Variants in CLTCL1 observed in about 807,000 individuals in gnomAD.
The protein encoded by CLTCL1 is clathrin heavy chain 2.
In CLTCL1, 159 loss-of-function variants were observed where a neutral mutation model predicts 190.0. The observed-to-expected ratio is 0.84, with a 90% CI of 0.74 to 0.95. The LOEUF is 0.95. CLTCL1 is among the 40% of genes least tolerant of loss of function. The pLI, the probability that CLTCL1 is intolerant of heterozygous loss-of-function variation, is 0.00. For missense variants in CLTCL1, 1,878 were observed against 2,033.4 expected (o/e 0.92, Z 1.47); for synonymous variants, 752 against 769.6 (o/e 0.98, Z 0.38).
chr22:19,216,132 T>A lies in CLTCL1; in HGVS notation c.3044A>T (p.Asn1015Ile). ...IELLEKIVLD[N>I]SVFSEHRNLQ... ...TCACCTGTGCTCGCTGAAGACAGAG[T>A]TATCCAGAACTATCTTCTCCAGCAG... is the stretch of plus-strand genomic sequence containing the variant. Residue 1015 changes from asparagine to isoleucine, a missense_variant, in exon 19 of 33, where the codon AAC becomes ATC. Transcript: ENST00000427926. The A allele has an allele frequency of 6.2e-7, 1 of 1,613,804 alleles. No homozygotes were observed. The highest frequency in any genetic ancestry group is 8.5e-7 in the Non-Finnish European group (1 of 1,179,780).
At chr22:19,233,069 G>T in intron 9 of CLTCL1, 97 bp downstream of exon 9, 1 of 1,289,976 alleles carries the variant, frequency 7.8e-7, no homozygotes, top group Non-Finnish European at 1.1e-6. Context: ...CACACCAGAG[G>T]ACTTACAAAG....
intron 31 of CLTCL1, 125 bp downstream of exon 31, chr22:19,180,606 G>T: frequency 1.1e-6 from 1 of 891,646 alleles, no homozygotes; most frequent in Non-Finnish European, 1.8e-6. Context: ...TAGCCACTGG[G>T]ATCCTTCCAG....
intron 2 of CLTCL1, among the ~76,000 whole-genome samples, chr22:19,264,247 T>TAAA (rs34703407): frequency 7.3e-6 from 1 of 137,496 alleles, no homozygotes. Context: ...TACAGTCTCT[T>TAAA]AAAAAAAAAA....
At chr22:19,266,256 C>A (rs1269558573) in intron 2 of CLTCL1, among the ~76,000 whole-genome samples, 1 of 152,164 alleles carries the variant, frequency 6.6e-6, no homozygotes, top group East Asian at 1.9e-4. Context: ...GAGGGCACCA[C>A]TGCCAACCCC....
chr22:19,217,412 C>T lies in CLTCL1; in HGVS notation c.2920-1156G>A, dbSNP rs569960016. Among the ~76,000 whole-genome samples the T allele has an allele frequency of 2.6e-5, 4 of 152,032 alleles. No individual in the cohort carries two copies. The East Asian group carries it at 5.8e-4, about 22-fold the overall frequency. ...CGGGCAGATCATGAGGTCAGGAGATCGAGACCATCCTGGCTAACACGGTGA... is the reference window on the plus strand; with the variant it reads ...CGGGCAGATCATGAGGTCAGGAGATTGAGACCATCCTGGCTAACACGGTGA... On this transcript the variant is annotated intron_variant, in intron 18 of 32. Transcript: ENST00000427926.
At chr22:19,234,778 T>G in intron 6 of CLTCL1, 72 bp from the exon 7 acceptor site, 1 of 1,323,430 alleles carries the variant, frequency 7.6e-7, no homozygotes, top group Non-Finnish European at 1.1e-6. Context: ...CATGTTCCCT[T>G]CCGATGCTGG....
At chr22:19,199,566 T>C (rs138094313) in intron 24 of CLTCL1, among the ~76,000 whole-genome samples, 168 bp downstream of exon 24, 78 of 152,350 alleles carry the variant, frequency 5.1e-4, no homozygotes, top group African/African-American at 1.8e-3. Flanking sequence ...CAATTGAATT[T>C]AGTTCATAAA....
chr22:19,232,669 T>A, intron 9 of CLTCL1, 71 bp from the exon 10 acceptor site: 3 of 1,530,224 alleles, frequency 2.0e-6, no homozygotes, highest in Non-Finnish European at 2.6e-6. Context: ...AAGTTATCCA[T>A]CCTTTGTTTT....
intron 26 of CLTCL1, 127 bp from the exon 27 acceptor site, chr22:19,191,562 A>C: frequency 8.9e-7 from 1 of 1,123,090 alleles, no homozygotes; most frequent in Non-Finnish European, 1.3e-6. Context: ...ATAAGACTCA[A>C]TGGCCTGTGA....
intron 29 of CLTCL1, 133 bp downstream of exon 29, chr22:19,187,425 A>C (rs2084348850): frequency 1.2e-6 from 1 of 819,938 alleles, no homozygotes; most frequent in Non-Finnish European, 1.9e-6. Flanking sequence ...TAATCCCCCC[A>C]CCCACCACGA....
At chr22:19,238,917 G>C (rs1258632577) in intron 5 of CLTCL1, among the ~76,000 whole-genome samples, 1 of 152,116 alleles carries the variant, frequency 6.6e-6, no homozygotes, top group Non-Finnish European at 1.5e-5. Context: ...CACGTGCCCT[G>C]GTGGTTTGTT....
At chr22:19,281,271 G>A (rs1391553854) in intron 1 of CLTCL1, among the ~76,000 whole-genome samples, 1 of 149,122 alleles carries the variant, frequency 6.7e-6, no homozygotes, top group Non-Finnish European at 1.5e-5. Context: ...CTCTAGCCTG[G>A]GCGACAGAGC....
At chr22:19,252,062 A>G (rs554275454) in intron 3 of CLTCL1, among the ~76,000 whole-genome samples, 1 of 152,200 alleles carries the variant, frequency 6.6e-6, no homozygotes, top group Non-Finnish European at 1.5e-5. Flanking sequence ...GCGTTCCAGA[A>G]ATGGAAGTAC....
intron 7 of CLTCL1, among the ~76,000 whole-genome samples, chr22:19,233,949 G>A (rs2085996717): frequency 6.6e-6 from 1 of 152,166 alleles, no homozygotes. Flanking sequence ...ATTCACAGAT[G>A]AAGGCTAGAA....
chr22:19,227,978 C>T (rs1555957014), intron 11 of CLTCL1, among the ~76,000 whole-genome samples: 1 of 152,102 alleles, frequency 6.6e-6, no homozygotes. Context: ...GTGAGTGCTC[C>T]CTCAGTATCT....
chr22:19,194,709 G>A (rs1403418141), intron 26 of CLTCL1, among the ~76,000 whole-genome samples: 1 of 152,216 alleles, frequency 6.6e-6, no homozygotes, highest in Non-Finnish European at 1.5e-5. Context: ...CATGGAGAGA[G>A]ACAGTGAATG....
At chr22:19,285,366 T>C (rs1359571989) in intron 1 of CLTCL1, among the ~76,000 whole-genome samples, 1 of 152,186 alleles carries the variant, frequency 6.6e-6, no homozygotes, top group East Asian at 1.9e-4. Flanking sequence ...CTATGAAGAA[T>C]GTTGACACTA....
chr22:19,254,207 A>C lies in CLTCL1; in HGVS notation c.271T>G (p.Phe91Val). The C allele has an allele frequency of 6.2e-7, 1 of 1,612,744 alleles. No individual in the cohort carries two copies. The highest frequency in any genetic ancestry group is 8.5e-7 in the Non-Finnish European group (1 of 1,178,762). ...ATTTTACTCTTCATCTCAATATTAA[A>C]GATCTGAAGTGTCTTCCCAGCTAGT... Reference protein sequence around the residue: ...ALKAGKTLQIFNIEMKSKMKA... With the variant: ...ALKAGKTLQIVNIEMKSKMKA... Residue 91 changes from phenylalanine to valine, a missense_variant, in exon 3 of 33, where the codon TTT becomes GTT. Phe to Val is a conservative substitution (Grantham distance 50). Transcript: ENST00000427926.
intron 13 of CLTCL1, among the ~76,000 whole-genome samples, chr22:19,224,605 A>T (rs1555954679): frequency 6.6e-6 from 1 of 152,174 alleles, no homozygotes; most frequent in East Asian, 1.9e-4. Context: ...ACATCTGAGA[A>T]GGCCCCTCCC....
Sources: gnomAD v4.1 joint callset for allele counts (sites outside exome capture counted in the v4.1 genomes callset) on GRCh38, gnomAD v4.1.1 for gene constraint, MANE v1.5 for transcripts, NCBI Gene and HGNC (gene_info 2026-07-23, HGNC 2026-07-21) for gene names.